Variants in GALNTL6 observed in about 807,000 individuals in gnomAD.
The protein encoded by GALNTL6 is polypeptide N-acetylgalactosaminyltransferase-like 6.
GALNTL6 carries 46 observed loss-of-function variants against 73.7 expected under a neutral mutation model. That is an observed-to-expected ratio of 0.62 (90% CI 0.49 to 0.80). The LOEUF (loss-of-function observed/expected upper bound fraction) is 0.80. Ranked by LOEUF, GALNTL6 falls within the 30% of genes least tolerant of loss-of-function variation. The probability of loss-of-function intolerance (pLI) is 0.00; values close to 1 mark genes in which losing one functional copy is unlikely to be tolerated. For missense variants in GALNTL6, 604 were observed against 755.0 expected, an observed-to-expected ratio of 0.80 and a Z score of 2.34; for synonymous variants, 259 against 263.7, an observed-to-expected ratio of 0.98 and a Z score of 0.17.
chr4:172,792,002 C>A (rs961676324), intron 5 of GALNTL6, among the ~76,000 whole-genome samples: 5 of 152,186 alleles, frequency 3.3e-5, no homozygotes, highest in African/African-American at 9.7e-5. Flanking sequence ...AAGGATCTCA[C>A]TGCCTAGAGG....
chr4:172,771,479 T>A (rs1579459944), intron 5 of GALNTL6, among the ~76,000 whole-genome samples: 1 of 152,248 alleles, frequency 6.6e-6, no homozygotes, highest in Non-Finnish European at 1.5e-5. Context: ...AGTACAATAC[T>A]TTAATTCATT....
At chr4:172,755,360 A>G (rs1184644041) in intron 5 of GALNTL6, among the ~76,000 whole-genome samples, 1 of 152,006 alleles carries the variant, frequency 6.6e-6, no homozygotes, top group Non-Finnish European at 1.5e-5. Context: ...GCCGAATACC[A>G]CTCAATCAAA....
intron 2 of GALNTL6, among the ~76,000 whole-genome samples, chr4:172,100,398 T>A (rs1732477148): frequency 6.6e-6 from 1 of 152,106 alleles, no homozygotes; most frequent in Non-Finnish European, 1.5e-5. Flanking sequence ...ACATAATTGT[T>A]GAGTGATTGA....
chr4:172,765,404 A>G (rs900698299), intron 5 of GALNTL6, among the ~76,000 whole-genome samples: 1 of 152,198 alleles, frequency 6.6e-6, no homozygotes, highest in Admixed American at 6.5e-5. Context: ...CAAACACCCT[A>G]TAATCCATCT....
At chr4:171,985,757 T>TATATATAC (rs1740054570) in intron 2 of GALNTL6, among the ~76,000 whole-genome samples, 2 of 151,252 alleles carry the variant, frequency 1.3e-5, no homozygotes, top group African/African-American at 4.9e-5. Flanking sequence ...TATATATATA[T>TATATATAC]GCTTTTTCAA....
intron 10 of GALNTL6, 66 bp downstream of exon 10, chr4:172,952,324 G>A (rs1749493575): frequency 1.2e-5 from 14 of 1,144,514 alleles, no homozygotes; most frequent in South Asian, 1.2e-4. Flanking sequence ...ATAGCCTCAG[G>A]TGGTGGGAGG....
rs749691060 is a variant in GALNTL6 at position 171,955,176 on chromosome 4, ATTTTCT to A, written c.138+140462_138+140467del. On this transcript the variant is annotated intron_variant, in intron 2 of 12. Transcript: ENST00000506823. The stretch of plus-strand genomic sequence containing the variant: ...AAAGAAATAGTTCACAATTTGAGTG[ATTTTCT>A]TTTATTTACATTGCAAGAAACAAAA... Among the ~76,000 whole-genome samples the A allele has an allele frequency of 1.1e-3, 173 of 152,254 alleles. 1 individual carries two copies. Among genetic ancestry groups the A allele is most frequent in the Admixed American group, 1.9e-3 (29 of 15,290 alleles).
At chr4:172,100,063 AT>A (rs986471610) in intron 2 of GALNTL6, among the ~76,000 whole-genome samples, 1 of 152,072 alleles carries the variant, frequency 6.6e-6, no homozygotes, top group Admixed American at 6.6e-5. Context: ...ATCTGCACTA[AT>A]TTTTTATCAT....
At chr4:171,987,087 C>A (rs1051955469) in intron 2 of GALNTL6, among the ~76,000 whole-genome samples, 1 of 151,950 alleles carries the variant, frequency 6.6e-6, no homozygotes, top group East Asian at 1.9e-4. Context: ...GAGACTGGGG[C>A]CTAATAAAAA....
chr4:172,634,414 C>T (rs1739555451), intron 5 of GALNTL6, among the ~76,000 whole-genome samples: 2 of 152,030 alleles, frequency 1.3e-5, no homozygotes, highest in African/African-American at 2.4e-5. Context: ...CATGTGGTTG[C>T]ACTGTCCCCC....
chr4:172,357,615 G>GTA (rs1413374841), intron 5 of GALNTL6, among the ~76,000 whole-genome samples: 3 of 113,346 alleles, frequency 2.6e-5, no homozygotes, highest in South Asian at 3.3e-4. Flanking sequence ...GAGAATATAT[G>GTA]TATATATATA....
At chr4:172,821,558 TG>T in intron 7 of GALNTL6, among the ~76,000 whole-genome samples, 1 of 152,190 alleles carries the variant, frequency 6.6e-6, no homozygotes, top group Non-Finnish European at 1.5e-5. Context: ...GCTGATAGGT[TG>T]AAAATGTCAG....
At chr4:172,971,872 T>G (rs1750598690) in intron 10 of GALNTL6, among the ~76,000 whole-genome samples, 1 of 152,084 alleles carries the variant, frequency 6.6e-6, no homozygotes, top group South Asian at 2.1e-4. Context: ...AGATCAAACA[T>G]ATAAATCCAC....
At chr4:172,352,994 TGTG>T (rs1741993068) in intron 5 of GALNTL6, among the ~76,000 whole-genome samples, 1 of 152,056 alleles carries the variant, frequency 6.6e-6, no homozygotes, top group South Asian at 2.1e-4. Context: ...CTATCCAAAT[TGTG>T]GTGCATGGAC....
At chr4:172,280,990 C>G (rs1459338721) in intron 3 of GALNTL6, among the ~76,000 whole-genome samples, 5 of 150,382 alleles carry the variant, frequency 3.3e-5, no homozygotes, top group Admixed American at 1.3e-4. Flanking sequence ...GAAACCCCAT[C>G]TCTACTAAAA....
intron 4 of GALNTL6, among the ~76,000 whole-genome samples, chr4:172,324,813 T>C (rs1740887967): frequency 6.6e-6 from 1 of 150,884 alleles, no homozygotes; most frequent in Non-Finnish European, 1.5e-5. Context: ...TTAAATAGCA[T>C]TTATAAAGGA....
chr4:172,006,115 C>T (rs1740833610), intron 2 of GALNTL6, among the ~76,000 whole-genome samples: 1 of 152,168 alleles, frequency 6.6e-6, no homozygotes. Flanking sequence ...GTCTACGAGT[C>T]ATGCTATTAT....
At chr4:173,035,779 T>C (rs1753673374) in intron 12 of GALNTL6, among the ~76,000 whole-genome samples, 1 of 152,210 alleles carries the variant, frequency 6.6e-6, no homozygotes, top group Non-Finnish European at 1.5e-5. Context: ...TCAATTTAGA[T>C]AACCAGTTGA....
At chr4:172,895,060 T>G (rs1746248472) in intron 8 of GALNTL6, among the ~76,000 whole-genome samples, 1 of 151,408 alleles carries the variant, frequency 6.6e-6, no homozygotes, top group Non-Finnish European at 1.5e-5. Flanking sequence ...TTTCATCCCA[T>G]CACCTTCAGT....
Sources: allele counts gnomAD v4.1 joint callset (sites outside exome capture counted in the v4.1 genomes callset), GRCh38; gene constraint gnomAD v4.1.1; transcripts MANE v1.5; gene names NCBI Gene and HGNC (gene_info 2026-07-23, HGNC 2026-07-21).